SMIM17: variants seen among roughly 807,000 people sequenced by gnomAD.
SMIM17 encodes small integral membrane protein 17.
Under a neutral mutation model 12.2 loss-of-function variants are expected in SMIM17, and 10 were observed. The ratio of observed to expected loss-of-function variants is 0.82; its 90% confidence interval spans 0.50 to 1.39. The LOEUF (loss-of-function observed/expected upper bound fraction) is 1.39, where lower values mean the gene tolerates loss of function less well. Ranked by LOEUF, SMIM17 falls within the 40% of genes most tolerant of loss-of-function variation. The pLI is 0.00. For synonymous variants in SMIM17, 50 were observed against 44.1 expected, an observed-to-expected ratio of 1.13 and a Z score of -0.53; for missense variants, 136 against 118.2, an observed-to-expected ratio of 1.15 and a Z score of -0.70.
chr19:56,644,715 C>G (rs74748293), intron 1 of SMIM17, among the ~76,000 whole-genome samples: 1 of 152,170 alleles, frequency 6.6e-6, no homozygotes, highest in East Asian at 1.9e-4. Flanking sequence ...AAGTATTTCT[C>G]TGGACCTATA....
rs1568520136 is a variant in SMIM17 at position 56,656,524 on chromosome 19, T to A, written c.*1311T>A. On this transcript the variant is annotated 3_prime_UTR_variant, in exon 4 of 4. Coordinates refer to ENST00000598409, the MANE Select transcript of SMIM17 (RefSeq NM_001193628.2). ...CTTTGATATGTATTGCATTTATTTT[T>A]TATTGTTTTTCTTCTTTGTCTCAGT... Among the ~76,000 whole-genome samples, 1 of 152,204 alleles carries A rather than the reference T, an allele frequency of 6.6e-6. No homozygotes were observed. Among genetic ancestry groups the A allele is most frequent in the Non-Finnish European group, 1.5e-5 (1 of 68,034 alleles).
chr19:56,647,559 C>T lies in SMIM17; in HGVS notation c.171C>T (p.Asp57=), dbSNP rs539773616. ...TCCTCCACTCCCACCCTCACCCAGA[C>T]CTGTCTTCTCAAGAGACTGGGCTTT... ...GASSHDSDEK[D]LSSQETGLSQ... is the part of the protein sequence containing the mutation. The change falls in exon 3 of 4, where the codon GAC becomes GAT. Residue 57 remains aspartate, a splice_region_variant and synonymous_variant. Coordinates refer to ENST00000598409, the MANE Select transcript of SMIM17 (RefSeq NM_001193628.2). 2.6e-6 allele frequency: 4 copies of T among 1,535,478 alleles called. No individual in the cohort carries two copies. In the African/African-American group the frequency reaches 4.1e-5, roughly 16 times the overall value.
At chr19:56,651,846 A>G (rs1035118) in intron 3 of SMIM17, among the ~76,000 whole-genome samples, 106,649 of 151,950 alleles carry the variant, frequency 0.7, 37,875 homozygotes, top group East Asian at 0.88. Flanking sequence ...GCTCACGTCT[A>G]TAATCGCAGC....
rs751266644 is a variant in SMIM17 at position 56,645,721 on chromosome 19, C to A, written c.54C>A (p.Thr18=). The A allele has an allele frequency of 7.8e-6, 12 of 1,535,718 alleles. No individual in the cohort carries two copies. In the East Asian group the frequency reaches 2.4e-4, roughly 31 times the overall value. The change falls in exon 2 of 4, where the codon ACC becomes ACA. Residue 18 remains threonine (T), a synonymous_variant. Transcript: ENST00000598409. ...GGGGGCTGCTGGAGCCTGAGAGGAC[C>A]AAGACTCTGCTGCCTCGGGAGAGCC... is the stretch of plus-strand genomic sequence containing the variant. ...QTRGLLEPER[T]KTLLPRESRA...
intron 3 of SMIM17, among the ~76,000 whole-genome samples, chr19:56,648,375 TTCCATCCATCCA>T (rs3071091): frequency 0.01 from 1,499 of 146,346 alleles, 26 homozygotes; most frequent in African/African-American, 0.036. Flanking sequence ...CATATACCCA[TTCCATCCATCCA>T]TCCATCCATC....
intron 3 of SMIM17, among the ~76,000 whole-genome samples, chr19:56,653,952 A>C (rs1158914369): frequency 6.6e-6 from 1 of 152,124 alleles, no homozygotes; most frequent in Non-Finnish European, 1.5e-5. Context: ...TGTCTTGTAC[A>C]TTCACCAAAC....
intron 3 of SMIM17, among the ~76,000 whole-genome samples, chr19:56,649,399 C>T (rs1316320503): frequency 1.3e-5 from 2 of 152,196 alleles, no homozygotes; most frequent in East Asian, 3.9e-4. Flanking sequence ...TCCCTGCCTT[C>T]ATGGAGCTCA....
chr19:56,645,032 C>T (rs529064694), intron 1 of SMIM17, among the ~76,000 whole-genome samples: 35 of 152,284 alleles, frequency 2.3e-4, no homozygotes, highest in Non-Finnish European at 2.5e-4. Flanking sequence ...TAATTCATGT[C>T]GTTTCCTATC....
At chr19:56,653,585 T>C (rs1274571937) in intron 3 of SMIM17, among the ~76,000 whole-genome samples, 6 of 152,180 alleles carry the variant, frequency 3.9e-5, no homozygotes, top group Non-Finnish European at 8.8e-5. Context: ...AGGAACTTTA[T>C]AAAAATTCAC....
intron 3 of SMIM17, among the ~76,000 whole-genome samples, chr19:56,651,084 G>C (rs906219682): frequency 6.6e-6 from 1 of 152,210 alleles, no homozygotes; most frequent in Non-Finnish European, 1.5e-5. Flanking sequence ...GGAGCGGGCT[G>C]TCTGGAACCA....
At chr19:56,650,692 C>T (rs991608018) in intron 3 of SMIM17, among the ~76,000 whole-genome samples, 3 of 152,210 alleles carry the variant, frequency 2.0e-5, no homozygotes, top group Non-Finnish European at 1.5e-5. Context: ...AGGATAGGAG[C>T]GAATGGGACC....
intron 1 of SMIM17, among the ~76,000 whole-genome samples, chr19:56,643,835 C>T (rs61267017): frequency 0.026 from 4,026 of 152,274 alleles, 157 homozygotes; most frequent in African/African-American, 0.092. Flanking sequence ...AAGGGATTCG[C>T]AGGGCTCAGC....
chr19:56,655,595 G>T lies in SMIM17; in HGVS notation c.*382G>T. On this transcript the variant is annotated 3_prime_UTR_variant, in exon 4 of 4. Transcript: ENST00000598409. Reference sequence around the variant, plus strand: ...AACTTTGCATTCTTAAGGTTTTGGTGCACCAGTCTTTTCATACACTAGATT... The same window carrying T: ...AACTTTGCATTCTTAAGGTTTTGGTTCACCAGTCTTTTCATACACTAGATT... 4.4e-6 allele frequency: 1 copy of T among 229,646 alleles called. No individual in the cohort carries two copies. Among genetic ancestry groups the T allele is most frequent in the Non-Finnish European group, 8.4e-6 (1 of 119,120 alleles). 14.2% of individuals were successfully genotyped at this position (229,646 alleles called of 1,614,324 possible).
intron 3 of SMIM17, among the ~76,000 whole-genome samples, chr19:56,653,926 T>A (rs1405041917): frequency 6.6e-6 from 1 of 152,238 alleles, no homozygotes; most frequent in Non-Finnish European, 1.5e-5. Flanking sequence ...TGCCTAACTT[T>A]CCAGATAATC....
intron 2 of SMIM17, among the ~76,000 whole-genome samples, chr19:56,646,853 A>G (rs186258043): frequency 1.6e-4 from 24 of 152,266 alleles, no homozygotes; most frequent in African/African-American, 5.1e-4. Flanking sequence ...CATCTCAATG[A>G]CACCCCATAG....
chr19:56,648,889 A>C (rs1353085300), intron 3 of SMIM17, among the ~76,000 whole-genome samples: 1 of 152,218 alleles, frequency 6.6e-6, no homozygotes. Flanking sequence ...AAATCACATA[A>C]TCACTCTCAG....
intron 2 of SMIM17, among the ~76,000 whole-genome samples, chr19:56,646,353 C>T (rs1201400949): frequency 6.6e-6 from 1 of 152,106 alleles, no homozygotes; most frequent in African/African-American, 2.4e-5. Flanking sequence ...CAAAAATATT[C>T]CTCTAACTCA....
intron 2 of SMIM17, among the ~76,000 whole-genome samples, chr19:56,646,241 G>C (rs2045062291): frequency 6.6e-6 from 1 of 152,164 alleles, no homozygotes; most frequent in African/African-American, 2.4e-5. Flanking sequence ...TATCCTCATG[G>C]GGGTGCTTGC....
At chr19:56,650,010 G>C (rs1257141477) in intron 3 of SMIM17, among the ~76,000 whole-genome samples, 1 of 152,084 alleles carries the variant, frequency 6.6e-6, no homozygotes, top group African/African-American at 2.4e-5. Context: ...CACTCTGGGA[G>C]CCCATGTGGA....
Sources: allele counts gnomAD v4.1 joint callset (sites outside exome capture counted in the v4.1 genomes callset), GRCh38; gene constraint gnomAD v4.1.1; transcripts MANE v1.5; gene names NCBI Gene and HGNC (gene_info 2026-07-23, HGNC 2026-07-21).